TNKS: variants seen among roughly 807,000 people sequenced by gnomAD.
The protein encoded by TNKS is tankyrase.
TNKS carries 72 observed loss-of-function variants against 135.8 expected under a neutral mutation model. The ratio of observed to expected loss-of-function variants is 0.53; its 90% CI spans 0.44 to 0.64. The LOEUF (loss-of-function observed/expected upper bound fraction) is 0.64. Ranked by LOEUF, TNKS falls within the 30% of genes least tolerant of loss-of-function variation. The pLI, the probability that TNKS is intolerant of heterozygous loss-of-function variation, is 0.00. For synonymous variants in TNKS, 849 were observed against 649.3 expected (o/e 1.31, Z -4.68); for missense variants, 1,769 against 1,674.0 (o/e 1.06, Z -0.99).
chr8:9,567,259 G>A (rs539961905), intron 1 of TNKS, among the ~76,000 whole-genome samples: 33 of 152,262 alleles, frequency 2.2e-4, no homozygotes, highest in African/African-American at 7.9e-4. Context: ...TGTAAGTATG[G>A]TATTGGAACA....
chr8:9,746,793 G>A (rs142525985), intron 17 of TNKS, among the ~76,000 whole-genome samples: 1 of 151,414 alleles, frequency 6.6e-6, no homozygotes, highest in Admixed American at 6.6e-5. Flanking sequence ...TCTGACAAAC[G>A]ATCTGCACAA....
intron 17 of TNKS, among the ~76,000 whole-genome samples, chr8:9,747,682 T>C (rs1469003341): frequency 6.6e-6 from 1 of 152,230 alleles, no homozygotes; most frequent in Non-Finnish European, 1.5e-5. Flanking sequence ...AAGATTTGAA[T>C]TAGGTACTAG....
chr8:9,775,889 A>G (rs1442457438), intron 26 of TNKS, among the ~76,000 whole-genome samples: 3 of 151,992 alleles, frequency 2.0e-5, no homozygotes, highest in East Asian at 1.9e-4. Flanking sequence ...AAGAATTCCT[A>G]TGTAGTCTAC....
chr8:9,666,139 C>G (rs1801976456), intron 3 of TNKS, among the ~76,000 whole-genome samples: 1 of 152,214 alleles, frequency 6.6e-6, no homozygotes, highest in Non-Finnish European at 1.5e-5. Flanking sequence ...AAGCTTCCAG[C>G]TCATGATGGT....
intron 2 of TNKS, among the ~76,000 whole-genome samples, chr8:9,590,528 T>TGGAATA (rs1798551844): frequency 6.6e-6 from 1 of 152,244 alleles, no homozygotes; most frequent in African/African-American, 2.4e-5. Flanking sequence ...ACTTTGTGCC[T>TGGAATA]TAATATAAAC....
intron 2 of TNKS, among the ~76,000 whole-genome samples, chr8:9,613,217 T>A (rs1799526098): frequency 6.6e-6 from 1 of 152,214 alleles, no homozygotes; most frequent in South Asian, 2.1e-4. Flanking sequence ...CAGAAAGAGT[T>A]AGCTGACCCC....
At chr8:9,565,293 T>A (rs1205455923) in intron 1 of TNKS, among the ~76,000 whole-genome samples, 1 of 152,206 alleles carries the variant, frequency 6.6e-6, no homozygotes, top group Non-Finnish European at 1.5e-5. Flanking sequence ...TTATTTATTT[T>A]GGTTTTGGAA....
At chr8:9,648,126 T>C (rs1429458807) in intron 3 of TNKS, among the ~76,000 whole-genome samples, 4 of 151,994 alleles carry the variant, frequency 2.6e-5, no homozygotes, top group African/African-American at 4.8e-5. Context: ...CGTGAGTGAG[T>C]GGTGAGAGAA....
intron 3 of TNKS, among the ~76,000 whole-genome samples, chr8:9,630,637 A>G (rs968189230): frequency 5.9e-5 from 9 of 152,254 alleles, no homozygotes; most frequent in African/African-American, 1.9e-4. Flanking sequence ...AAAATTTCCT[A>G]TAATAGAGTA....
chr8:9,731,177 G>C, intron 14 of TNKS, 142 bp downstream of exon 14: 1 of 1,139,512 alleles, frequency 8.8e-7, no homozygotes, highest in South Asian at 2.0e-5. Flanking sequence ...ACATAGAAAT[G>C]TGCCAGGCAT....
At chr8:9,598,610 C>A (rs1798881237) in intron 2 of TNKS, among the ~76,000 whole-genome samples, 1 of 150,436 alleles carries the variant, frequency 6.6e-6, no homozygotes, top group African/African-American at 2.4e-5. Context: ...GTGGGAGGAT[C>A]AACTGAGCCA....
chr8:9,579,571 C>T (rs563023877), intron 1 of TNKS, among the ~76,000 whole-genome samples: 9 of 152,126 alleles, frequency 5.9e-5, no homozygotes, highest in Admixed American at 1.3e-4. Flanking sequence ...CAGGTTCAAG[C>T]GATTCTCGTG....
intron 3 of TNKS, among the ~76,000 whole-genome samples, chr8:9,679,183 C>A (rs1445620883): frequency 6.6e-6 from 1 of 152,110 alleles, no homozygotes; most frequent in Non-Finnish European, 1.5e-5. Flanking sequence ...TAGATATCTG[C>A]TCATTCTCAA....
rs181071179 is a variant in TNKS at position 9,763,993 on chromosome 8, C to T, written c.3373-723C>T. ...CCCCAGGGCTGTATTTCAGCTCATA[C>T]GTAGCGCATCAGGAAGGCATCATGG... On this transcript the variant is annotated intron_variant, in intron 22 of 26. Coordinates refer to ENST00000310430, the MANE Select transcript of TNKS (RefSeq NM_003747.3). 2.6e-3 allele frequency among the ~76,000 whole-genome samples: 392 copies of T among 152,188 alleles called. 3 individuals are homozygous for T. The highest frequency in any genetic ancestry group is 9.1e-3 in the African/African-American group (376 of 41,522).
At chr8:9,569,748 A>G (rs1250924206) in intron 1 of TNKS, among the ~76,000 whole-genome samples, 1 of 152,294 alleles carries the variant, frequency 6.6e-6, no homozygotes, top group Non-Finnish European at 1.5e-5. Context: ...TTAAAAGACA[A>G]TTGGCATTCA....
chr8:9,634,847 GT>G (rs1800445965), intron 3 of TNKS, among the ~76,000 whole-genome samples: 1 of 152,180 alleles, frequency 6.6e-6, no homozygotes, highest in Non-Finnish European at 1.5e-5. Context: ...CGGGGAAGGT[GT>G]AAAAGGAGCC....
chr8:9,580,072 A>G, intron 1 of TNKS, 87 bp from the exon 2 acceptor site: 1 of 1,128,438 alleles, frequency 8.9e-7, no homozygotes, highest in Non-Finnish European at 1.3e-6. Context: ...TCAGTTGTTC[A>G]TACTTGTTGA....
In TNKS at chr8:9,777,602, A is replaced by C. The variant is rs1808286833; in HGVS notation, c.*866A>C. ...CACGGGCTTGAGTTCCAAGGTGAAA[A>C]AACTGGGGAGGCTGTGAAGGAAGAG... On this transcript the variant is annotated 3_prime_UTR_variant, in exon 27 of 27. Coordinates refer to ENST00000310430, the MANE Select transcript of TNKS (RefSeq NM_003747.3). 1 of 152,280 alleles carries C rather than the reference A, an allele frequency of 6.6e-6. No homozygotes were observed. The highest frequency in any genetic ancestry group is 1.5e-5 in the Non-Finnish European group (1 of 68,182). 9.4% of individuals were successfully genotyped at this position (152,280 alleles called of 1,614,324 possible).
At chr8:9,657,752 G>T (rs1217383053) in intron 3 of TNKS, among the ~76,000 whole-genome samples, 3 of 116,594 alleles carry the variant, frequency 2.6e-5, no homozygotes, top group African/African-American at 6.8e-5. Flanking sequence ...CTCACCTCCC[G>T]GACGGGGCGG....
Sources: allele counts gnomAD v4.1 joint callset (sites outside exome capture counted in the v4.1 genomes callset), GRCh38; gene constraint gnomAD v4.1.1; transcripts MANE v1.5; gene names NCBI Gene and HGNC (gene_info 2026-07-23, HGNC 2026-07-21).